Variants in B4GALT1 observed in about 807,000 individuals in gnomAD.
The protein encoded by B4GALT1 is beta-1,4-galactosyltransferase 1.
In B4GALT1, 16 loss-of-function variants were observed where a neutral mutation model predicts 34.9. The observed-to-expected ratio is 0.46, with a 90% CI of 0.31 to 0.70. The LOEUF (loss-of-function observed/expected upper bound fraction) is 0.70. Among genes scored for constraint, B4GALT1 ranks in the 30% least tolerant of loss-of-function variants. The probability of loss-of-function intolerance (pLI) is 0.05; values close to 1 mark genes in which losing one functional copy is unlikely to be tolerated. For missense variants in B4GALT1, 445 were observed against 530.5 expected, an observed-to-expected ratio of 0.84 and a Z score of 1.58; for synonymous variants, 221 against 218.1, an observed-to-expected ratio of 1.01 and a Z score of -0.12.
chr9:33,113,812 G>A lies in B4GALT1; in HGVS notation c.1026C>T (p.Arg342=), dbSNP rs1448746479. The change falls in exon 5 of 6, where the codon CGC becomes CGT. Residue 342 remains arginine, a synonymous_variant. Coordinates refer to ENST00000379731, the MANE Select transcript of B4GALT1 (RefSeq NM_001497.4). ...NAVVGRCRMI[R]HSRDKKNEPN... ...GTTCATTTTTCTTGTCTCTTGAGTGGCGGATCATGCGACACCTCCCGACCA... is the reference window on the plus strand; with the variant it reads ...GTTCATTTTTCTTGTCTCTTGAGTGACGGATCATGCGACACCTCCCGACCA... The A allele has an allele frequency of 1.2e-6, 2 of 1,614,030 alleles. No individual in the cohort carries two copies. Among genetic ancestry groups the A allele is most frequent in the Admixed American group, 1.7e-5 (1 of 59,992 alleles).
At chr9:33,182,861 A>C in the B4GALT1 span, among the ~76,000 whole-genome samples, 1 of 152,164 alleles carries the variant, frequency 6.6e-6, no homozygotes, top group African/African-American at 2.4e-5. Context: ...AAAAATATAC[A>C]AAAATAGAGA....
chr9:33,120,118 A>T (rs1041108404), intron 3 of B4GALT1, among the ~76,000 whole-genome samples: 1 of 151,496 alleles, frequency 6.6e-6, no homozygotes. Context: ...CGGGAGGCAG[A>T]GGTTGCGGTG....
At chr9:33,179,329 C>G in the B4GALT1 span, 1 of 152,216 alleles carries the variant, frequency 6.6e-6, no homozygotes, top group Non-Finnish European at 1.5e-5. Context: ...CTCCAGTTTC[C>G]TGTTCTTCCC....
At chr9:33,169,673 A>T (rs545148422), upstream of B4GALT1, among the ~76,000 whole-genome samples, 2 of 152,132 alleles carry the variant, frequency 1.3e-5, no homozygotes, top group South Asian at 2.1e-4. Flanking sequence ...GGTGCCTGCC[A>T]TCACGCCGGG....
intron 1 of B4GALT1, among the ~76,000 whole-genome samples, chr9:33,158,244 A>T (rs1459011472): frequency 6.6e-6 from 1 of 152,214 alleles, no homozygotes; most frequent in East Asian, 1.9e-4. Flanking sequence ...GGACTTGCCT[A>T]AAATGATGTA....
At chr9:33,129,291 TTAA>T (rs926603953) in intron 2 of B4GALT1, among the ~76,000 whole-genome samples, 1 of 152,122 alleles carries the variant, frequency 6.6e-6, no homozygotes, top group African/African-American at 2.4e-5. Context: ...GGCTAAGGTA[TTAA>T]TAGGTTTTCT....
At chr9:33,164,996 A>G (rs1247814944) in intron 1 of B4GALT1, among the ~76,000 whole-genome samples, 1 of 133,980 alleles carries the variant, frequency 7.5e-6, no homozygotes, top group Non-Finnish European at 1.6e-5. Context: ...TTTTTTTTAG[A>G]CAGTCTTGCT....
At chr9:33,121,074 T>TA (rs564745387) in intron 2 of B4GALT1, among the ~76,000 whole-genome samples, 1 of 152,236 alleles carries the variant, frequency 6.6e-6, no homozygotes, top group Non-Finnish European at 1.5e-5. Flanking sequence ...GTTGGGTACC[T>TA]ATGGGACTTT....
intron 1 of B4GALT1, among the ~76,000 whole-genome samples, chr9:33,139,794 G>A (rs1208043530): frequency 5.3e-5 from 8 of 152,274 alleles, no homozygotes; most frequent in Non-Finnish European, 1.0e-4. Context: ...AGGGCTTCAT[G>A]ACAGGCCTCA....
chr9:33,177,118 T>G, the B4GALT1 span, among the ~76,000 whole-genome samples: 1 of 152,202 alleles, frequency 6.6e-6, no homozygotes, highest in African/African-American at 2.4e-5. Context: ...TTCTTCTTCC[T>G]GTACTTTTTC....
chr9:33,146,138 T>C (rs567852897), intron 1 of B4GALT1, among the ~76,000 whole-genome samples: 1 of 152,288 alleles, frequency 6.6e-6, no homozygotes, highest in East Asian at 1.9e-4. Flanking sequence ...CAAGTAGTGT[T>C]TGGTCTCTGG....
the B4GALT1 span, among the ~76,000 whole-genome samples, chr9:33,173,591 G>GGTATGTGT: frequency 9.8e-5 from 14 of 143,062 alleles, no homozygotes; most frequent in African/African-American, 2.1e-4. Context: ...AAATAAGAAT[G>GGTATGTGT]GTGTGTGTGT....
rs968315412 is a variant in B4GALT1, at chr9:33,118,925, G to A, written c.836+1494C>T. Among the ~76,000 whole-genome samples the A allele has an allele frequency of 5.3e-5, 8 of 151,866 alleles. 1 individual carries two copies. The East Asian group carries it at 1.2e-3, about 22-fold the overall frequency. On this transcript the variant is annotated intron_variant, in intron 3 of 5. Coordinates refer to ENST00000379731, the MANE Select transcript of B4GALT1 (RefSeq NM_001497.4). ...TGCCCAAGTTGAAGTTCAATGGCGC[G>A]ATCTCAACTCACTGCAACCTCTGCC...
chr9:33,159,345 G>A (rs951930658), intron 1 of B4GALT1, among the ~76,000 whole-genome samples: 1 of 152,160 alleles, frequency 6.6e-6, no homozygotes, highest in Non-Finnish European at 1.5e-5. Flanking sequence ...CCCCCGTGGT[G>A]GGGCAGGAAG....
At chr9:33,174,990 AATATATATATATATATATAT>A in the B4GALT1 span, among the ~76,000 whole-genome samples, 1 of 4,832 alleles carries the variant, frequency 2.1e-4, no homozygotes, top group African/African-American at 6.0e-4. Context: ...AAAAAAAAAA[AATATATATATATATATATAT>A]ATATATATAT....
chr9:33,171,005 C>A (rs1379381820), upstream of B4GALT1, among the ~76,000 whole-genome samples: 1 of 152,254 alleles, frequency 6.6e-6, no homozygotes, highest in Non-Finnish European at 1.5e-5. Context: ...CTGCAGCTGG[C>A]CTTCCTCTGC....
At chr9:33,114,106 G>C (rs1347384024) in intron 4 of B4GALT1, among the ~76,000 whole-genome samples, 1 of 152,230 alleles carries the variant, frequency 6.6e-6, no homozygotes, top group South Asian at 2.1e-4. Flanking sequence ...TGACTACCAT[G>C]TGCCAGACAC....
intron 1 of B4GALT1, among the ~76,000 whole-genome samples, chr9:33,162,277 G>A (rs1840685981): frequency 6.6e-6 from 1 of 152,148 alleles, no homozygotes; most frequent in Non-Finnish European, 1.5e-5. Flanking sequence ...AAGAAGAAAG[G>A]AAGAAATGAA....
Position 33,166,797 on chromosome 9 carries a change from G to A in B4GALT1, c.373C>T (p.Leu125=). ...TSVPVPHTTA[L]SLPACPEESP... ...TCCTCAGGGCAGGCGGGCAGCGACA[G>A]TGCGGTGGTGTGGGGCACTGGGACC... The change falls in exon 1 of 6, where the codon CTG becomes TTG. Residue 125 remains leucine, a synonymous_variant. Coordinates refer to ENST00000379731, the MANE Select transcript of B4GALT1 (RefSeq NM_001497.4). 1 of 1,535,610 alleles carries A rather than the reference G, an allele frequency of 6.5e-7. No individual in the cohort carries two copies.
Sources: allele counts gnomAD v4.1 joint callset (sites outside exome capture counted in the v4.1 genomes callset), GRCh38; gene constraint gnomAD v4.1.1; transcripts MANE v1.5; gene names NCBI Gene and HGNC (gene_info 2026-07-23, HGNC 2026-07-21).